Variants in KSR2 observed in about 807,000 individuals in gnomAD.
KSR2 encodes kinase suppressor of ras 2.
Under a neutral mutation model 107.8 loss-of-function variants are expected in KSR2, and 25 were observed. That is an observed-to-expected ratio of 0.23 (90% CI 0.17 to 0.32). The LOEUF is 0.32. Ranked by LOEUF, KSR2 falls within the 10% of genes least tolerant of loss-of-function variation. The pLI, the probability that KSR2 is intolerant of heterozygous loss-of-function variation, is 1.00. For missense variants in KSR2, 887 were observed against 1,268.9 expected (o/e 0.70, Z 4.57); for synonymous variants, 480 against 507.0 (o/e 0.95, Z 0.71).
intron 4 of KSR2, among the ~76,000 whole-genome samples, chr12:117,692,549 C>CAT (rs60792647): frequency 0.18 from 21,827 of 124,348 alleles, 2,496 homozygotes; most frequent in East Asian, 0.27. Context: ...TATACACATA[C>CAT]ATATATATAT....
chr12:117,469,707 C>T lies in KSR2; in HGVS notation c.2801G>A (p.Arg934Gln), dbSNP rs759248526. The change falls in exon 19 of 20, where the codon CGA (arginine) becomes CAA (glutamine). Residue 934 changes from arginine (R) to glutamine (Q), a missense_variant. This residue lies in a region of KSR2 where 308 missense variants were observed against 506.2 expected (regional missense o/e 0.61). Transcript: ENST00000339824. ...TCCAGGGTGAGACAGGCGACGGTTT[C>T]GCTTTGGCAGTTTCTCCAGCATGTC... ...LMDMLEKLPK[R>Q]NRRLSHPGHF... 2.2e-5 allele frequency: 35 copies of T among 1,613,466 alleles called. No homozygotes were observed. The highest frequency in any genetic ancestry group is 2.7e-5 in the Non-Finnish European group (32 of 1,179,754).
chr12:117,679,529 C>T (rs912914237), intron 4 of KSR2, among the ~76,000 whole-genome samples: 6 of 152,160 alleles, frequency 3.9e-5, no homozygotes, highest in South Asian at 2.1e-4. Context: ...GTATCACATC[C>T]GCACCAGCAC....
At chr12:117,608,285 A>G (rs1172115567) in intron 5 of KSR2, among the ~76,000 whole-genome samples, 7 of 152,218 alleles carry the variant, frequency 4.6e-5, no homozygotes, top group Non-Finnish European at 1.0e-4. Context: ...CGCAGTGCCC[A>G]GAGAGGTATC....
chr12:117,474,349 A>C (rs1450423837), intron 17 of KSR2, among the ~76,000 whole-genome samples: 1 of 152,192 alleles, frequency 6.6e-6, no homozygotes, highest in Non-Finnish European at 1.5e-5. Flanking sequence ...TAAAATAATC[A>C]GGCCAACTGA....
intron 12 of KSR2, among the ~76,000 whole-genome samples, chr12:117,529,161 C>T (rs778310048): frequency 2.7e-4 from 41 of 152,186 alleles, no homozygotes; most frequent in Non-Finnish European, 5.7e-4. Flanking sequence ...TGGTCAAATC[C>T]TAGCAAGCCC....
rs754085324 is a variant in KSR2 at position 117,674,272 on chromosome 12, C to T, written c.987-6614G>A. The T allele has an allele frequency of 1.8e-5, 9 of 507,368 alleles. No homozygotes were observed. In the East Asian group the frequency reaches 4.4e-4, roughly 25 times the overall value. The allele number at this position is 507,368 out of a possible 1,614,324, so 31.4% of individuals were successfully genotyped here. ...CCAATGTTCTGGTCCAAGCCACCACCTTCTTCTCACCTGGGCTGCCGCTGC... is the reference window on the plus strand; with the variant it reads ...CCAATGTTCTGGTCCAAGCCACCACTTTCTTCTCACCTGGGCTGCCGCTGC... On this transcript the variant is annotated intron_variant, in intron 4 of 19. Coordinates refer to ENST00000339824, the MANE Select transcript of KSR2 (RefSeq NM_173598.6).
chr12:117,527,745 T>G (rs922682030), intron 12 of KSR2, among the ~76,000 whole-genome samples: 19 of 152,306 alleles, frequency 1.2e-4, no homozygotes, highest in African/African-American at 4.6e-4. Flanking sequence ...AAAGCCAGTA[T>G]GTAGATACTA....
intron 4 of KSR2, among the ~76,000 whole-genome samples, chr12:117,716,464 A>G (rs943637063): frequency 1.3e-5 from 2 of 152,218 alleles, no homozygotes; most frequent in Admixed American, 6.5e-5. Flanking sequence ...AAGACTCCAC[A>G]TGGAAAAACA....
chr12:117,658,459 C>G (rs1295602323), intron 5 of KSR2, among the ~76,000 whole-genome samples: 4 of 152,174 alleles, frequency 2.6e-5, no homozygotes, highest in Non-Finnish European at 5.9e-5. Context: ...TATTGTAAGT[C>G]AAGTTCTACT....
chr12:117,665,198 C>T (rs76246513), intron 5 of KSR2, among the ~76,000 whole-genome samples: 2,647 of 152,168 alleles, frequency 0.017, 76 homozygotes, highest in African/African-American at 0.062. Context: ...TGCTGGGAGC[C>T]ACCTTTTAAT....
At chr12:117,892,787 C>CAAAAAAA (rs35897528) in intron 1 of KSR2, among the ~76,000 whole-genome samples, 3 of 87,118 alleles carry the variant, frequency 3.4e-5, no homozygotes, top group African/African-American at 3.8e-5. Flanking sequence ...GTGCTATGTG[C>CAAAAAAA]AAAAAAAAAA....
In KSR2 at chr12:117,732,239, C is replaced by T. The variant is rs116181836; in HGVS notation, c.986+28772G>A. On this transcript the variant is annotated intron_variant, in intron 4 of 19. Transcript: ENST00000339824. ...CTCTTTAATGTATGAGTGATGATCCCAAAACACAACTAGAATGGGAGGGAT... is the reference window on the plus strand; with the variant it reads ...CTCTTTAATGTATGAGTGATGATCCTAAAACACAACTAGAATGGGAGGGAT... 9.1e-3 allele frequency among the ~76,000 whole-genome samples: 1,387 copies of T among 151,834 alleles called. 19 individuals are homozygous for T. The highest frequency in any genetic ancestry group is 0.032 in the African/African-American group (1,341 of 41,456).
chr12:117,840,718 C>T (rs867828391), intron 3 of KSR2, among the ~76,000 whole-genome samples: 3 of 151,932 alleles, frequency 2.0e-5, no homozygotes, highest in African/African-American at 7.2e-5. Flanking sequence ...TTAAAAAATA[C>T]TAAGCCAGGC....
intron 4 of KSR2, among the ~76,000 whole-genome samples, chr12:117,723,953 C>A (rs1887310973): frequency 6.6e-6 from 1 of 152,056 alleles, no homozygotes. Flanking sequence ...AAATCCTGTT[C>A]TTACTATTTA....
intron 1 of KSR2, among the ~76,000 whole-genome samples, chr12:117,911,174 TCACACACACA>T (rs374154062): frequency 1.3e-5 from 2 of 148,942 alleles, no homozygotes; most frequent in Non-Finnish European, 3.0e-5. Context: ...TCTCTCTCTC[TCACACACACA>T]CACACACACA....
At chr12:117,568,339 G>T in intron 7 of KSR2, among the ~76,000 whole-genome samples, 1 of 152,136 alleles carries the variant, frequency 6.6e-6, no homozygotes, top group East Asian at 1.9e-4. Flanking sequence ...CTGGGGGAGG[G>T]ATGAGGAAAA....
chr12:117,645,133 G>A (rs79825935), intron 5 of KSR2, among the ~76,000 whole-genome samples: 4,701 of 152,218 alleles, frequency 0.031, 244 homozygotes, highest in African/African-American at 0.11. Flanking sequence ...TGTGAAGATG[G>A]AAGTTTGGAG....
intron 1 of KSR2, among the ~76,000 whole-genome samples, chr12:117,912,244 A>G (rs1895037325): frequency 6.6e-6 from 1 of 152,242 alleles, no homozygotes; most frequent in Admixed American, 6.5e-5. Context: ...GATTGGTAAC[A>G]GCCAAGGTCA....
chr12:117,933,630 C>G (rs1284182477), intron 1 of KSR2, among the ~76,000 whole-genome samples: 1 of 151,942 alleles, frequency 6.6e-6, no homozygotes, highest in African/African-American at 2.4e-5. Flanking sequence ...ATCTGAAATT[C>G]AAATTTAAAA....
Sources: allele counts gnomAD v4.1 joint callset (sites outside exome capture counted in the v4.1 genomes callset), GRCh38; gene constraint gnomAD v4.1.1; regional missense constraint gnomAD v4.1.1; transcripts MANE v1.5; gene names NCBI Gene and HGNC (gene_info 2026-07-23, HGNC 2026-07-21).